Variants in KCNT2 observed in about 807,000 individuals in gnomAD.
KCNT2 encodes potassium sodium-activated channel subfamily T member 2.
A neutral mutation model predicts 153.8 loss-of-function variants in KCNT2; 67 were observed. The observed-to-expected ratio is 0.44, with a 90% CI of 0.36 to 0.53. The LOEUF (loss-of-function observed/expected upper bound fraction) is 0.53, where lower values mean the gene tolerates loss of function less well. Ranked by LOEUF, KCNT2 falls within the 20% of genes least tolerant of loss-of-function variation. The pLI, the probability that KCNT2 is intolerant of heterozygous loss-of-function variation, is 0.00. For synonymous variants in KCNT2, 500 were observed against 458.8 expected (o/e 1.09, Z -1.15); for missense variants, 975 against 1,354.8 (o/e 0.72, Z 4.40).
chr1:196,336,089 C>T (rs1572081772), intron 16 of KCNT2, among the ~76,000 whole-genome samples: 1 of 152,116 alleles, frequency 6.6e-6, no homozygotes, highest in Non-Finnish European at 1.5e-5. Flanking sequence ...CAACTGAATA[C>T]ACCCAGACAG....
rs559314444 is a variant in KCNT2 at position 196,322,422 on chromosome 1, G to T, written c.2277-2867C>A. Among the ~76,000 whole-genome samples, 31 of 151,744 alleles carry T rather than the reference G, an allele frequency of 2.0e-4. No homozygotes were observed. In the South Asian group the frequency reaches 6.2e-3, roughly 31 times the overall value. On this transcript the variant is annotated intron_variant, in intron 19 of 27. Transcript: ENST00000294725. ...ATCGAAACAAAACAAAAAAACACAG[G>T]CTGAAACTAACCGGTAATAAACAAA...
intron 1 of KCNT2, among the ~76,000 whole-genome samples, chr1:196,500,213 AGAGAGAGAGACG>A (rs1207375231): frequency 1.2e-4 from 15 of 128,864 alleles, no homozygotes; most frequent in South Asian, 1.1e-3. Context: ...GGGGAGAGAG[AGAGAGAGAGACG>A]GAGAGAGAGA....
intron 1 of KCNT2, among the ~76,000 whole-genome samples, chr1:196,498,647 G>C (rs1680441459): frequency 6.6e-6 from 1 of 152,152 alleles, no homozygotes; most frequent in African/African-American, 2.4e-5. Flanking sequence ...ATAGCTCCCA[G>C]TACAACTTGC....
chr1:196,480,725 G>A (rs1004183221), intron 4 of KCNT2, among the ~76,000 whole-genome samples: 9 of 151,376 alleles, frequency 5.9e-5, no homozygotes, highest in Non-Finnish European at 1.0e-4. Flanking sequence ...GCGTGGTGGC[G>A]GGCGCCTGTA....
At chr1:196,524,922 A>G (rs1479933641) in intron 1 of KCNT2, among the ~76,000 whole-genome samples, 1 of 152,142 alleles carries the variant, frequency 6.6e-6, no homozygotes, top group Admixed American at 6.5e-5. Context: ...TATAAATACA[A>G]TGAGTATTAT....
At chr1:196,291,289 A>G (rs1660160560) in intron 22 of KCNT2, among the ~76,000 whole-genome samples, 1 of 151,258 alleles carries the variant, frequency 6.6e-6, no homozygotes, top group Non-Finnish European at 1.5e-5. Flanking sequence ...GCTTGTGTGA[A>G]TCACTCTGCA....
At chr1:196,397,271 A>G (rs990078462) in intron 13 of KCNT2, among the ~76,000 whole-genome samples, 5 of 151,604 alleles carry the variant, frequency 3.3e-5, no homozygotes, top group Admixed American at 3.3e-4. Flanking sequence ...AATTTTTCAA[A>G]AATATTTCTT....
intron 1 of KCNT2, among the ~76,000 whole-genome samples, chr1:196,573,921 T>C (rs763972867): frequency 1.4e-4 from 21 of 151,868 alleles, no homozygotes; most frequent in Non-Finnish European, 2.9e-4. Flanking sequence ...TAACTTATAA[T>C]AGTGTCAGAT....
intron 8 of KCNT2, among the ~76,000 whole-genome samples, chr1:196,436,764 C>A (rs997222604): frequency 6.6e-6 from 1 of 150,576 alleles, no homozygotes; most frequent in Non-Finnish European, 1.5e-5. Flanking sequence ...ACAAAATGTA[C>A]TCAAATACAG....
In KCNT2 at chr1:196,591,308, G is replaced by A. The variant is rs917349509; in HGVS notation, c.95+16907C>T. Among the ~76,000 whole-genome samples, 10 of 152,082 alleles carry A rather than the reference G, an allele frequency of 6.6e-5. No homozygotes were observed. In the East Asian group the frequency reaches 1.9e-3, roughly 30 times the overall value. On this transcript the variant is annotated intron_variant, in intron 1 of 27. Coordinates refer to ENST00000294725, the MANE Select transcript of KCNT2 (RefSeq NM_198503.5). ...TCCACAATAAGTGGAAGCTTCCTGA[G>A]GCCCTCCCCAGAAAAAGGATGCTGG...
At chr1:196,597,058 G>C (rs980236786) in intron 1 of KCNT2, among the ~76,000 whole-genome samples, 2 of 152,098 alleles carry the variant, frequency 1.3e-5, no homozygotes, top group African/African-American at 4.8e-5. Flanking sequence ...TGTGGAAAAA[G>C]AAAATAAATT....
intron 17 of KCNT2, among the ~76,000 whole-genome samples, chr1:196,332,734 T>A (rs1051208151): frequency 2.6e-5 from 4 of 152,034 alleles, no homozygotes; most frequent in Non-Finnish European, 4.4e-5. Context: ...CACTAATAGC[T>A]TTCTGAAGTA....
chr1:196,385,206 C>G (rs1002236343), intron 13 of KCNT2, among the ~76,000 whole-genome samples: 2 of 152,158 alleles, frequency 1.3e-5, no homozygotes, highest in African/African-American at 2.4e-5. Context: ...GCCCACACAA[C>G]TCTTCAATAT....
chr1:196,389,003 G>T (rs1461523827), intron 13 of KCNT2, among the ~76,000 whole-genome samples: 1 of 151,708 alleles, frequency 6.6e-6, no homozygotes. Flanking sequence ...ATAAAAATAT[G>T]ATGTTGCTTT....
chr1:196,593,278 T>C (rs1663608567), intron 1 of KCNT2, among the ~76,000 whole-genome samples: 1 of 145,992 alleles, frequency 6.8e-6, no homozygotes, highest in African/African-American at 2.5e-5. Flanking sequence ...GGCTGAGTAG[T>C]ATTCCATCAT....
At chr1:196,246,727 A>C (rs2102280334) in intron 26 of KCNT2, among the ~76,000 whole-genome samples, 1 of 152,238 alleles carries the variant, frequency 6.6e-6, no homozygotes, top group South Asian at 2.1e-4. Flanking sequence ...ATGGGTTGTA[A>C]GATATTTTGC....
chr1:196,591,033 A>G (rs927400166), intron 1 of KCNT2, among the ~76,000 whole-genome samples: 1 of 152,148 alleles, frequency 6.6e-6, no homozygotes, highest in African/African-American at 2.4e-5. Context: ...AGGCTGAGGC[A>G]TGAGAATCAC....
intron 1 of KCNT2, among the ~76,000 whole-genome samples, chr1:196,574,795 T>A (rs1661162879): frequency 6.6e-6 from 1 of 151,992 alleles, no homozygotes; most frequent in Admixed American, 6.6e-5. Flanking sequence ...CTATTATGAT[T>A]GAATATTACA....
chr1:196,551,658 C>T (rs1657921366), intron 1 of KCNT2, among the ~76,000 whole-genome samples: 2 of 151,586 alleles, frequency 1.3e-5, no homozygotes, highest in African/African-American at 4.8e-5. Flanking sequence ...GAGAATACAT[C>T]TCATTAGGAT....
Sources: allele counts gnomAD v4.1 joint callset (sites outside exome capture counted in the v4.1 genomes callset), GRCh38; gene constraint gnomAD v4.1.1; transcripts MANE v1.5; gene names NCBI Gene and HGNC (gene_info 2026-07-23, HGNC 2026-07-21).